The following HPSE2 variants were observed in gnomAD, a reference collection of about 807,000 sequenced individuals.
The protein encoded by HPSE2 is heparanase 2 (inactive), also known as inactive heparanase-2.
HPSE2 carries 38 observed loss-of-function variants against 60.5 expected under a neutral mutation model. The ratio of observed to expected loss-of-function variants is 0.63; its 90% confidence interval spans 0.48 to 0.82. HPSE2 has a LOEUF of 0.82. HPSE2 is among the 40% of genes least tolerant of loss of function. HPSE2 has a pLI of 0.00. For missense variants in HPSE2, 713 were observed against 740.4 expected (o/e 0.96, Z 0.43); for synonymous variants, 295 against 293.2 (o/e 1.01, Z -0.06).
intron 3 of HPSE2, among the ~76,000 whole-genome samples, chr10:99,052,670 C>A (rs1324659129): frequency 6.6e-6 from 1 of 151,796 alleles, no homozygotes; most frequent in African/African-American, 2.4e-5. Context: ...GCAGCCAGAG[C>A]AAAATGACAC....
chr10:99,037,592 T>C (rs1957639169), intron 3 of HPSE2, among the ~76,000 whole-genome samples: 1 of 151,888 alleles, frequency 6.6e-6, no homozygotes, highest in South Asian at 2.1e-4. Context: ...ATGTACATAA[T>C]ATTAATATAT....
chr10:99,237,883 G>A (rs530058002), upstream of HPSE2, among the ~76,000 whole-genome samples: 1 of 152,336 alleles, frequency 6.6e-6, no homozygotes, highest in African/African-American at 2.4e-5. Flanking sequence ...GGAGCACTTA[G>A]TAGGCACTCA....
intron 3 of HPSE2, among the ~76,000 whole-genome samples, chr10:98,771,465 T>G (rs887277108): frequency 6.6e-6 from 1 of 152,192 alleles, no homozygotes; most frequent in African/African-American, 2.4e-5. Flanking sequence ...AGCCTATCCC[T>G]GCAAGGCAAC....
At chr10:98,597,185 G>T (rs1945262873) in intron 9 of HPSE2, among the ~76,000 whole-genome samples, 1 of 152,072 alleles carries the variant, frequency 6.6e-6, no homozygotes, top group Non-Finnish European at 1.5e-5. Flanking sequence ...GGGGATTACG[G>T]GAACTACAAT....
At chr10:99,228,444 G>A (rs1465731282) in intron 2 of HPSE2, among the ~76,000 whole-genome samples, 1 of 151,888 alleles carries the variant, frequency 6.6e-6, no homozygotes, top group Non-Finnish European at 1.5e-5. Context: ...ATGCAGTTAT[G>A]GTCTTAAAAA....
At chr10:99,239,976 G>A (rs555869207), upstream of HPSE2, among the ~76,000 whole-genome samples, 9 of 152,044 alleles carry the variant, frequency 5.9e-5, no homozygotes, top group African/African-American at 2.2e-4. Flanking sequence ...ATCACCTGAG[G>A]TCAGGAGTTC....
intron 3 of HPSE2, among the ~76,000 whole-genome samples, chr10:98,987,874 T>G (rs1397867018): frequency 6.6e-6 from 1 of 151,868 alleles, no homozygotes; most frequent in Non-Finnish European, 1.5e-5. Flanking sequence ...AGCCAAATCA[T>G]GAGTGAACTC....
chr10:98,947,578 C>T (rs1290409957), intron 3 of HPSE2, among the ~76,000 whole-genome samples: 1 of 151,998 alleles, frequency 6.6e-6, no homozygotes, highest in Non-Finnish European at 1.5e-5. Context: ...TTGGTGCAGA[C>T]AAGTGCCATA....
intron 3 of HPSE2, among the ~76,000 whole-genome samples, chr10:98,984,939 G>GA (rs1164357372): frequency 6.6e-6 from 1 of 152,078 alleles, no homozygotes; most frequent in African/African-American, 2.4e-5. Context: ...GAAGTTTAGA[G>GA]AAAAAAGAAT....
At chr10:99,113,921 A>G (rs1157754804) in intron 3 of HPSE2, among the ~76,000 whole-genome samples, 2 of 152,182 alleles carry the variant, frequency 1.3e-5, no homozygotes, top group African/African-American at 4.8e-5. Context: ...AAGACAAACC[A>G]TTAGCTTTGC....
intron 3 of HPSE2, among the ~76,000 whole-genome samples, chr10:98,833,112 T>C (rs1589908679): frequency 6.6e-6 from 1 of 152,346 alleles, no homozygotes; most frequent in East Asian, 1.9e-4. Context: ...AACAGCATTT[T>C]CTGGAACCTT....
At chr10:98,962,350 C>T (rs1368191308) in intron 3 of HPSE2, among the ~76,000 whole-genome samples, 7 of 149,440 alleles carry the variant, frequency 4.7e-5, no homozygotes, top group Admixed American at 6.7e-5. Flanking sequence ...GCCATTTTCA[C>T]GATATTGATT....
intron 9 of HPSE2, among the ~76,000 whole-genome samples, chr10:98,495,580 T>C (rs1246511282): frequency 1.3e-5 from 2 of 152,190 alleles, no homozygotes; most frequent in Non-Finnish European, 2.9e-5. Context: ...ATCTTTTTTC[T>C]TTCTGTTCCT....
intron 5 of HPSE2, 124 bp downstream of exon 5, chr10:98,721,533 G>A (rs1229966627): frequency 1.1e-6 from 1 of 917,776 alleles, no homozygotes; most frequent in African/African-American, 1.7e-5. Context: ...ACTATGGAAA[G>A]AGTCCCTCCT....
intron 9 of HPSE2, among the ~76,000 whole-genome samples, chr10:98,551,129 T>C (rs1248058839): frequency 2.0e-5 from 3 of 152,174 alleles, no homozygotes; most frequent in African/African-American, 7.2e-5. Flanking sequence ...TGAAGTGGTA[T>C]GCAGGGGTCA....
intron 3 of HPSE2, among the ~76,000 whole-genome samples, chr10:98,912,760 A>C (rs1173040794): frequency 1.3e-5 from 2 of 152,292 alleles, no homozygotes; most frequent in African/African-American, 4.8e-5. Context: ...ATAGAGAAGA[A>C]GGATGATTAC....
chr10:98,997,319 T>C (rs1043624173), intron 3 of HPSE2, among the ~76,000 whole-genome samples: 3 of 151,860 alleles, frequency 2.0e-5, no homozygotes, highest in African/African-American at 7.3e-5. Flanking sequence ...GGTTTCACCA[T>C]ATTGGCCAGG....
intron 3 of HPSE2, among the ~76,000 whole-genome samples, chr10:98,961,005 T>C (rs1394681507): frequency 4.1e-5 from 3 of 72,404 alleles, no homozygotes; most frequent in African/African-American, 5.7e-5. Context: ...GGTTTTTTGT[T>C]CTTGCGATAG....
At chr10:98,588,001 TTATC>T (rs1423201757) in intron 9 of HPSE2, among the ~76,000 whole-genome samples, 1 of 152,230 alleles carries the variant, frequency 6.6e-6, no homozygotes. Context: ...CTTCAGCTCT[TTATC>T]TATTGAATTG....
Sources: gnomAD v4.1 joint callset for allele counts (sites outside exome capture counted in the v4.1 genomes callset) on GRCh38, gnomAD v4.1.1 for gene constraint, MANE v1.5 for transcripts, NCBI Gene and HGNC (gene_info 2026-07-23, HGNC 2026-07-21) for gene names.